SKIDA1: variants seen among roughly 807,000 people sequenced by gnomAD.
The protein encoded by SKIDA1 is SKI/DACH domain-containing protein 1.
In SKIDA1, 18 loss-of-function variants were observed where a neutral mutation model predicts 51.4. That is an observed-to-expected ratio of 0.35 (90% CI 0.24 to 0.52). The LOEUF is 0.52. SKIDA1 is among the 20% of genes least tolerant of loss of function. SKIDA1 has a pLI of 0.95. For synonymous variants in SKIDA1, 579 were observed against 500.5 expected, an observed-to-expected ratio of 1.16 and a Z score of -2.09; for missense variants, 1,104 against 1,180.6, an observed-to-expected ratio of 0.94 and a Z score of 0.95.
rs895629315 is a variant in SKIDA1 at position 21,518,797 on chromosome 10, G to A, written c.-975C>T. 1.8e-5 allele frequency: 3 copies of A among 165,274 alleles called. No homozygotes were observed. Among genetic ancestry groups the A allele is most frequent in the Non-Finnish European group, 1.5e-5 (1 of 67,786 alleles). 10.2% of individuals were successfully genotyped at this position (165,274 alleles called of 1,614,324 possible). On this transcript the variant is annotated 5_prime_UTR_variant, in exon 4 of 4. Coordinates refer to ENST00000449193, the MANE Select transcript of SKIDA1 (RefSeq NM_207371.4). Reference sequence around the variant, plus strand: ...GGCTGGGAGCTCCAAAGTTAAACCCGCCCCGTGAACCACCCCAGTGCGGAC... The same window carrying A: ...GGCTGGGAGCTCCAAAGTTAAACCCACCCCGTGAACCACCCCAGTGCGGAC...
Position 21,518,006 on chromosome 10 carries a change from G to T in SKIDA1, c.-184C>A. 3 of 562,512 alleles carry T rather than the reference G, an allele frequency of 5.3e-6. No individual in the cohort carries two copies. The highest frequency in any genetic ancestry group is 3.2e-5 in the South Asian group (1 of 30,858). The allele number at this position is 562,512 out of a possible 1,614,324, so 34.8% of individuals were successfully genotyped here. Reference sequence around the variant, plus strand: ...AACTCTAGGCGAAATTATTGGGGGGGGGGAAACCCCATGAAATTACACTGA... The same window carrying T: ...AACTCTAGGCGAAATTATTGGGGGGTGGGAAACCCCATGAAATTACACTGA... On this transcript the variant is annotated 5_prime_UTR_variant, in exon 4 of 4. Coordinates refer to ENST00000449193, the MANE Select transcript of SKIDA1 (RefSeq NM_207371.4).
rs1588685481 is a variant in SKIDA1 at position 21,519,074 on chromosome 10, G to A, written c.-1252C>T. 6.0e-6 allele frequency: 1 copy of A among 167,158 alleles called. No individual in the cohort carries two copies. Among genetic ancestry groups the A allele is most frequent in the Non-Finnish European group, 1.5e-5 (1 of 68,112 alleles). The allele number at this position is 167,158 out of a possible 1,614,324, so 10.4% of individuals were successfully genotyped here. A position where few individuals can be genotyped will look rare whatever the true frequency, so the allele number is the denominator to read the frequency against. On this transcript the variant is annotated 5_prime_UTR_variant, in exon 4 of 4. Coordinates refer to ENST00000449193, the MANE Select transcript of SKIDA1 (RefSeq NM_207371.4). ...ACACTTTTCCACAATTAACCGTACTGGATTGGAGGCGGGATCGTCCAAGAG... is the reference window on the plus strand; with the variant it reads ...ACACTTTTCCACAATTAACCGTACTAGATTGGAGGCGGGATCGTCCAAGAG...
Position 21,514,477 on chromosome 10 carries a change from C to A in SKIDA1, c.*619G>T, listed in dbSNP as rs1375159083. The A allele has an allele frequency of 2.0e-5, 3 of 147,398 alleles. No homozygotes were observed. Among genetic ancestry groups the A allele is most frequent in the Non-Finnish European group, 4.5e-5 (3 of 67,078 alleles). The allele number at this position is 147,398 out of a possible 1,614,324, so 9.1% of individuals were successfully genotyped here. Reference sequence around the variant, plus strand: ...TACTAGCATTTAATCAGGACTCACACCCCAATCTTTCCACTAAAAAAAAAA... The same window carrying A: ...TACTAGCATTTAATCAGGACTCACAACCCAATCTTTCCACTAAAAAAAAAA... On this transcript the variant is annotated 3_prime_UTR_variant, in exon 4 of 4. Coordinates refer to ENST00000449193, the MANE Select transcript of SKIDA1 (RefSeq NM_207371.4).
chr10:21,521,087 C>CA (rs1554772030), intron 3 of SKIDA1, among the ~76,000 whole-genome samples: 1 of 151,690 alleles, frequency 6.6e-6, no homozygotes, highest in Non-Finnish European at 1.5e-5. Flanking sequence ...CACACACACA[C>CA]AAACACAGAA....
intron 3 of SKIDA1, among the ~76,000 whole-genome samples, chr10:21,520,165 C>T (rs1021176412): frequency 5.9e-5 from 9 of 152,192 alleles, no homozygotes; most frequent in African/African-American, 2.2e-4. Flanking sequence ...GAATGGATCT[C>T]GTGATATTTC....
rs1588682003 is a variant in SKIDA1 at position 21,516,537 on chromosome 10, C to CCTCCT, written c.1285_1286insAGGAG (p.Gly429GlufsTer119). 10 of 1,489,366 alleles carry CCTCCT rather than the reference C, an allele frequency of 6.7e-6. No homozygotes were observed. Among genetic ancestry groups the CCTCCT allele is most frequent in the East Asian group, 4.9e-5 (2 of 40,774 alleles). 92.3% of individuals were successfully genotyped at this position (1,489,366 alleles called of 1,614,324 possible). A position where few individuals can be genotyped will look rare whatever the true frequency, so the allele number is the denominator to read the frequency against. On this transcript the variant is annotated frameshift_variant, in exon 4 of 4. Transcript: ENST00000449193. LOFTEE classifies it high-confidence loss of function. The surrounding 1 kb of genome is among the most constrained non-coding windows in gnomAD (Gnocchi z 5.7). ...ACTGGAATCCGAGGCCCCGCTGCCC[C>CCTCCT]CCTCCTCCTCCTCTTCCTCCTCCTC...
intron 3 of SKIDA1, 150 bp downstream of exon 3, chr10:21,521,239 G>A (rs2032387553): frequency 6.6e-6 from 1 of 152,196 alleles, no homozygotes; most frequent in Non-Finnish European, 1.5e-5. Flanking sequence ...ACTTTAAGAT[G>A]GATTTGCATG....
At chr10:21,524,958 A>G (rs116893366) in intron 1 of SKIDA1, among the ~76,000 whole-genome samples, 1 of 152,162 alleles carries the variant, frequency 6.6e-6, no homozygotes, top group Non-Finnish European at 1.5e-5. Context: ...AATGAGAAAA[A>G]AGTTGAGAGG....
rs956189046 is a variant in SKIDA1 at position 21,523,699 on chromosome 10, C to T, written c.-1945G>A. The T allele has an allele frequency of 6.6e-6, 1 of 152,110 alleles. No individual in the cohort carries two copies. The highest frequency in any genetic ancestry group is 1.5e-5 in the Non-Finnish European group (1 of 68,038). The allele number at this position is 152,110 out of a possible 1,614,324, so 9.4% of individuals were successfully genotyped here. A position where few individuals can be genotyped will look rare whatever the true frequency, so the allele number is the denominator to read the frequency against. On this transcript the variant is annotated 5_prime_UTR_variant, in exon 2 of 4. An upstream start codon of the reference 5' UTR is lost. Transcript: ENST00000449193. ...GAGGCCTACCTATGGGCTGCTCAGC[C>T]ATACTGAAATCCTGAGCCACCACGA...
In SKIDA1 at chr10:21,514,735, A is replaced by G. The variant is rs959969409; in HGVS notation, c.*361T>C. On this transcript the variant is annotated 3_prime_UTR_variant, in exon 4 of 4. Transcript: ENST00000449193. Reference sequence around the variant, plus strand: ...AACTTAATGGCTCATTGTAATATTTATTATTCAACCTTTTGACATTTATTT... The same window carrying G: ...AACTTAATGGCTCATTGTAATATTTGTTATTCAACCTTTTGACATTTATTT... 2.9e-5 allele frequency: 5 copies of G among 174,078 alleles called. No individual in the cohort carries two copies. The highest frequency in any genetic ancestry group is 2.3e-4 in the Admixed American group (4 of 17,396). The allele number at this position is 174,078 out of a possible 1,614,324, so 10.8% of individuals were successfully genotyped here. A position where few individuals can be genotyped will look rare whatever the true frequency, so the allele number is the denominator to read the frequency against.
Position 21,516,154 on chromosome 10 carries a change from G to T in SKIDA1, c.1669C>A (p.His557Asn). The change falls in exon 4 of 4, where the codon CAC becomes AAC. Residue 557 changes from histidine to asparagine, a missense_variant. Coordinates refer to ENST00000449193, the MANE Select transcript of SKIDA1 (RefSeq NM_207371.4). The surrounding 1 kb of genome is among the most constrained non-coding windows in gnomAD (Gnocchi z 5.7). ...TTTACAGCATTGGAAATTTCAGAGTGTGGGAATGTAATCTCAGATACCCTA... is the reference window on the plus strand; with the variant it reads ...TTTACAGCATTGGAAATTTCAGAGTTTGGGAATGTAATCTCAGATACCCTA... The part of the protein sequence containing the change: ...NDRVSEITFP[H>N]SEISNAVKRT... The T allele has an allele frequency of 6.2e-7, 1 of 1,614,054 alleles. No individual in the cohort carries two copies. Among genetic ancestry groups the T allele is most frequent in the South Asian group, 1.1e-5 (1 of 91,082 alleles).
At position 21,517,937 on chromosome 10, in the gene SKIDA1, TAATAA is replaced by T. The variant is rs937521184; in HGVS notation, c.-120_-116del. On this transcript the variant is annotated 5_prime_UTR_variant, in exon 4 of 4. Coordinates refer to ENST00000449193, the MANE Select transcript of SKIDA1 (RefSeq NM_207371.4). The surrounding 1 kb of genome is among the most constrained non-coding windows in gnomAD (Gnocchi z 6.9). ...CTGCGTGTGTCTCAAGGCATCCTGC[TAATAA>T]AATAACAAAGACTGTTATTCCCGGC... The T allele has an allele frequency of 4.2e-5, 39 of 929,712 alleles. No homozygotes were observed. The highest frequency in any genetic ancestry group is 3.6e-4 in the African/African-American group (21 of 58,920). The allele number at this position is 929,712 out of a possible 1,614,324, so 57.6% of individuals were successfully genotyped here.
At chr10:21,525,107 C>G (rs767266322) in intron 1 of SKIDA1, among the ~76,000 whole-genome samples, 1 of 152,208 alleles carries the variant, frequency 6.6e-6, no homozygotes, top group Non-Finnish European at 1.5e-5. Context: ...AGATTTCGAA[C>G]TCAGTCATTT....
chr10:21,521,596 C>T (rs751071308), intron 2 of SKIDA1, 116 bp from the exon 3 acceptor site: 1 of 151,328 alleles, frequency 6.6e-6, no homozygotes, highest in African/African-American at 2.5e-5. Flanking sequence ...TAGATATGTC[C>T]AAATTAACAT....
In SKIDA1 at chr10:21,515,395, T is replaced by C. The variant is rs753791554; in HGVS notation, c.2428A>G (p.Thr810Ala). ...NLKSARSPRP[T>A]GKTETNEGTL... Reference sequence around the variant, plus strand: ...CCTTCATTTGTCTCAGTTTTACCTGTAGGACGAGGGCTTCTAGCTGATTTC... The same window carrying C: ...CCTTCATTTGTCTCAGTTTTACCTGCAGGACGAGGGCTTCTAGCTGATTTC... The change falls in exon 4 of 4, where the codon ACA becomes GCA. Residue 810 changes from threonine (T) to alanine (A), a missense_variant. Physicochemically the swap from Thr to Ala is moderately conservative, Grantham distance 58. Coordinates refer to ENST00000449193, the MANE Select transcript of SKIDA1 (RefSeq NM_207371.4). 4 of 1,614,056 alleles carry C rather than the reference T, an allele frequency of 2.5e-6. No homozygotes were observed. The highest frequency in any genetic ancestry group is 2.2e-5 in the South Asian group (2 of 91,084).
At chr10:21,523,189 T>C (rs2032473118) in intron 2 of SKIDA1, among the ~76,000 whole-genome samples, 2 of 122,522 alleles carry the variant, frequency 1.6e-5, no homozygotes, top group African/African-American at 3.3e-5. Flanking sequence ...GGGACCCTAG[T>C]GACCAAGGAA....
chr10:21,522,117 C>A (rs779353076), intron 2 of SKIDA1, among the ~76,000 whole-genome samples: 2 of 152,162 alleles, frequency 1.3e-5, no homozygotes, highest in African/African-American at 2.4e-5. Context: ...GGGGAAAGTT[C>A]TTTTGAAAAC....
rs2032192306 is a variant in SKIDA1, at chr10:21,516,071, C to G, written c.1752G>C (p.Lys584Asn). 6.2e-7 allele frequency: 1 copy of G among 1,614,044 alleles called. No individual in the cohort carries two copies. The highest frequency in any genetic ancestry group is 8.5e-7 in the Non-Finnish European group (1 of 1,179,898). Residue 584 changes from lysine (K) to asparagine (N), a missense_variant, in exon 4 of 4, where the codon AAG becomes AAC. Lys to Asn is a moderately conservative substitution (Grantham distance 94, BLOSUM62 0). Coordinates refer to ENST00000449193, the MANE Select transcript of SKIDA1 (RefSeq NM_207371.4). The surrounding 1 kb of genome is among the most constrained non-coding windows in gnomAD (Gnocchi z 5.7). ...LAEGASSPSP[K>N]TNNAFPQQRI... ...TTTGTTGTGGAAATGCATTGTTTGTCTTTGGGCTAGGTGAAGAGGCCCCCT... is the reference window on the plus strand; with the variant it reads ...TTTGTTGTGGAAATGCATTGTTTGTGTTTGGGCTAGGTGAAGAGGCCCCCT...
At position 21,516,890 on chromosome 10, in the gene SKIDA1, TGCCGCCGCCGCCGCCGCCGCC is replaced by T; in HGVS notation, c.912_932del (p.Ala312_Ala318del). 5.9e-6 allele frequency: 7 copies of T among 1,195,490 alleles called. 2 individuals carry two copies. Among genetic ancestry groups the T allele is most frequent in the Non-Finnish European group, 5.2e-6 (5 of 968,002 alleles). 74.1% of individuals were successfully genotyped at this position (1,195,490 alleles called of 1,614,324 possible). ...CCCCCGCGGCGGCCGCCGCCGCCGC[TGCCGCCGCCGCCGCCGCCGCC>T]GCCGCCTTGGCTTTGTAGGACCTGG... On this transcript the variant is annotated inframe_deletion, in exon 4 of 4. Coordinates refer to ENST00000449193, the MANE Select transcript of SKIDA1 (RefSeq NM_207371.4). This position sits in a 1 kb window ranked among gnomAD's most constrained non-coding sequence, Gnocchi z 5.7.
Sources: allele counts gnomAD v4.1 joint callset (sites outside exome capture counted in the v4.1 genomes callset), GRCh38; gene constraint gnomAD v4.1.1; non-coding constraint Gnocchi (gnomAD v3.1); transcripts MANE v1.5; gene names NCBI Gene and HGNC (gene_info 2026-07-23, HGNC 2026-07-21).